MTPAP: variants seen among roughly 807,000 people sequenced by gnomAD.
MTPAP encodes the protein mitochondrial poly(A) polymerase, also known as poly(A) RNA polymerase, mitochondrial.
MTPAP carries 23 observed loss-of-function variants against 48.7 expected under a neutral mutation model. The observed-to-expected ratio is 0.47, with a 90% CI of 0.34 to 0.67. The LOEUF is 0.67. MTPAP is among the 30% of genes least tolerant of loss of function. The pLI, the probability that MTPAP is intolerant of heterozygous loss-of-function variation, is 0.01. For synonymous variants in MTPAP, 257 were observed against 254.1 expected (o/e 1.01, Z -0.11); for missense variants, 614 against 694.3 (o/e 0.88, Z 1.30).
chr10:30,335,288 G>C lies in MTPAP; in HGVS notation c.780+1515C>G, dbSNP rs146025975. Among the ~76,000 whole-genome samples the C allele has an allele frequency of 9.0e-4, 137 of 151,550 alleles. 4 individuals are homozygous for C. In the East Asian group the frequency reaches 0.024, roughly 27 times the overall value. On this transcript the variant is annotated intron_variant, in intron 4 of 8. Coordinates refer to ENST00000263063, the MANE Select transcript of MTPAP (RefSeq NM_018109.4). Reference sequence around the variant, plus strand: ...GGATCACCTGAGGTCAGGAGTTCAAGACCAGCCTGACCAATACGTGAAACC... The same window carrying C: ...GGATCACCTGAGGTCAGGAGTTCAACACCAGCCTGACCAATACGTGAAACC...
intron 1 of MTPAP, among the ~76,000 whole-genome samples, chr10:30,347,008 C>G (rs1328993405): frequency 6.6e-6 from 1 of 152,158 alleles, no homozygotes; most frequent in Non-Finnish European, 1.5e-5. Context: ...ACCAATTGAC[C>G]TTAAAGTATG....
At chr10:30,348,550 G>C (rs966637832) in intron 1 of MTPAP, among the ~76,000 whole-genome samples, 1 of 152,178 alleles carries the variant, frequency 6.6e-6, no homozygotes, top group Non-Finnish European at 1.5e-5. Context: ...TATAAATGTA[G>C]AACGAACGCG....
At chr10:30,333,712 C>T (rs1371369189) in intron 4 of MTPAP, among the ~76,000 whole-genome samples, 1 of 151,996 alleles carries the variant, frequency 6.6e-6, no homozygotes, top group Non-Finnish European at 1.5e-5. Context: ...CTCAGGAGTT[C>T]GAGACCACCC....
intron 1 of MTPAP, among the ~76,000 whole-genome samples, chr10:30,348,489 G>A (rs992730001): frequency 6.6e-6 from 1 of 152,140 alleles, no homozygotes; most frequent in African/African-American, 2.4e-5. Context: ...ACAAGCTCTT[G>A]AGTCACAAGA....
chr10:30,345,681 A>G lies in MTPAP; in HGVS notation c.157+3438T>C, dbSNP rs186151907. Among the ~76,000 whole-genome samples the G allele has an allele frequency of 2.0e-5, 3 of 152,378 alleles. No individual in the cohort carries two copies. The East Asian group carries it at 5.8e-4, about 29-fold the overall frequency. On this transcript the variant is annotated intron_variant, in intron 1 of 8. Coordinates refer to ENST00000263063, the MANE Select transcript of MTPAP (RefSeq NM_018109.4). The stretch of plus-strand genomic sequence containing the variant: ...TAAAAGGAAGAACTAATAAGTGCTA[A>G]TATTTTATGACAGATTGAAATGTGC...
chr10:30,333,629 G>A (rs1318129064), intron 4 of MTPAP, among the ~76,000 whole-genome samples: 1 of 152,188 alleles, frequency 6.6e-6, no homozygotes, highest in Non-Finnish European at 1.5e-5. Context: ...ATCCAGGCCG[G>A]ATGCGGTGGC....
Position 30,340,352 on chromosome 10 carries a change from T to C in MTPAP, c.429A>G (p.Pro143=). ...TPSTAMETAI[P]FRSRFFNLKL... is the part of the protein sequence containing the mutation. ...TCAGATTGAAGAAACGTGATCTGAA[T>C]GGAATTGCAGTCTCCATGGCCGTGC... The change falls in exon 3 of 9, where the codon CCA becomes CCG. Residue 143 remains proline, a synonymous_variant. Transcript: ENST00000263063. 3 of 1,614,140 alleles carry C rather than the reference T, an allele frequency of 1.9e-6. No homozygotes were observed. The highest frequency in any genetic ancestry group is 2.5e-6 in the Non-Finnish European group (3 of 1,179,980).
chr10:30,345,487 TA>T (rs200531374), intron 1 of MTPAP, among the ~76,000 whole-genome samples: 4 of 151,572 alleles, frequency 2.6e-5, no homozygotes, highest in Admixed American at 6.6e-5. Flanking sequence ...AAAGTTTGAT[TA>T]AAAAAAATGG....
intron 6 of MTPAP, among the ~76,000 whole-genome samples, chr10:30,320,788 G>A (rs373798647): frequency 6.6e-6 from 1 of 152,176 alleles, no homozygotes; most frequent in African/African-American, 2.4e-5. Flanking sequence ...CAATCAAGAT[G>A]CTTAGGAGTA....
chr10:30,338,579 G>A (rs1459205672), intron 3 of MTPAP, among the ~76,000 whole-genome samples: 5 of 151,756 alleles, frequency 3.3e-5, no homozygotes, highest in East Asian at 3.9e-4. Flanking sequence ...GGAGGCTGAG[G>A]CAGGAGAATC....
At chr10:30,339,112 G>A (rs1172927677) in intron 3 of MTPAP, among the ~76,000 whole-genome samples, 3 of 150,856 alleles carry the variant, frequency 2.0e-5, no homozygotes, top group South Asian at 4.2e-4. Context: ...GACAGAGCAA[G>A]AGTCCGTCTC....
Position 30,349,214 on chromosome 10 carries a change from C to T in MTPAP, c.62G>A (p.Arg21Gln). The T allele has an allele frequency of 6.3e-7, 1 of 1,590,294 alleles. No individual in the cohort carries two copies. Among genetic ancestry groups the T allele is most frequent in the Non-Finnish European group, 8.6e-7 (1 of 1,166,920 alleles). Residue 21 changes from arginine (R) to glutamine (Q), a missense_variant, in exon 1 of 9, where the codon CGA (arginine) becomes CAA (glutamine). Transcript: ENST00000263063. ...AAGCCTGACGATAGGCCGCTGGACT[C>T]GAGTTCTTCTCCGGGCACACAGGTT... ...RLNLCARRRTRVQRPIVRLLS... is the reference protein window; with the variant it reads ...RLNLCARRRTQVQRPIVRLLS...
chr10:30,343,620 T>C (rs1157324123), intron 1 of MTPAP, among the ~76,000 whole-genome samples: 1 of 151,882 alleles, frequency 6.6e-6, no homozygotes, highest in Non-Finnish European at 1.5e-5. Flanking sequence ...CAGGCTGGAG[T>C]GCAGTGGCAC....
intron 6 of MTPAP, among the ~76,000 whole-genome samples, chr10:30,317,463 T>G (rs1840675970): frequency 6.6e-6 from 1 of 152,222 alleles, no homozygotes; most frequent in South Asian, 2.1e-4. Context: ...GACTCAGATA[T>G]TCACCTTTCC....
chr10:30,322,385 T>C lies in MTPAP; in HGVS notation c.1219+6A>G. 6.3e-7 allele frequency: 1 copy of C among 1,576,846 alleles called. No individual in the cohort carries two copies. Among genetic ancestry groups the C allele is most frequent in the East Asian group, 2.2e-5 (1 of 44,674 alleles). On this transcript the variant is annotated splice_donor_region_variant and intron_variant, in intron 6 of 8. Transcript: ENST00000263063. ...AGAAAATGGAGAAGTTTCTTTCTAG[T>C]CTTACCTGCTAGGGTTTTTAAGGAA...
chr10:30,331,013 A>G (rs1834659708), intron 4 of MTPAP, among the ~76,000 whole-genome samples: 2 of 152,208 alleles, frequency 1.3e-5, no homozygotes, highest in Non-Finnish European at 2.9e-5. Context: ...GTTTGTTACC[A>G]AAGCATCAAC....
At chr10:30,344,701 T>C (rs1035415682) in intron 1 of MTPAP, among the ~76,000 whole-genome samples, 8 of 152,148 alleles carry the variant, frequency 5.3e-5, no homozygotes, top group South Asian at 2.1e-4. Context: ...TCAAACAGCA[T>C]AGAATTTTCT....
Position 30,317,862 on chromosome 10 carries a change from A to AT in MTPAP, c.1220-1653dup, listed in dbSNP as rs926839869. Among the ~76,000 whole-genome samples the AT allele has an allele frequency of 1.7e-4, 25 of 150,146 alleles. 1 individual carries two copies. Among genetic ancestry groups the AT allele is most frequent in the African/African-American group, 4.4e-4 (18 of 41,012 alleles). Reference sequence around the variant, plus strand: ...AATCTGGATGACTGCTGATATTTTAATTTTTTTTTTGAGATGGAATCTGGC... The same window carrying AT: ...AATCTGGATGACTGCTGATATTTTAATTTTTTTTTTTGAGATGGAATCTGGC... On this transcript the variant is annotated intron_variant, in intron 6 of 8. Transcript: ENST00000263063.
At chr10:30,333,569 T>C (rs1193609755) in intron 4 of MTPAP, among the ~76,000 whole-genome samples, 3 of 152,232 alleles carry the variant, frequency 2.0e-5, no homozygotes, top group Non-Finnish European at 2.9e-5. Context: ...TAAGTGCCAC[T>C]GCCAGGAACT....
Sources: gnomAD v4.1 joint callset for allele counts (sites outside exome capture counted in the v4.1 genomes callset) on GRCh38, gnomAD v4.1.1 for gene constraint, MANE v1.5 for transcripts, NCBI Gene and HGNC (gene_info 2026-07-23, HGNC 2026-07-21) for gene names.